LRPPRC: variants seen among roughly 807,000 people sequenced by gnomAD.
LRPPRC encodes the protein leucine rich pentatricopeptide repeat containing, also known as leucine-rich PPR motif-containing protein, mitochondrial.
In LRPPRC, 120 loss-of-function variants were observed where a neutral mutation model predicts 180.3. The observed-to-expected ratio is 0.67, with a 90% CI of 0.57 to 0.77. The LOEUF is 0.77. Among genes scored for constraint, LRPPRC ranks in the 30% least tolerant of loss-of-function variants. The pLI, the probability that LRPPRC is intolerant of heterozygous loss-of-function variation, is 0.00. For synonymous variants in LRPPRC, 723 were observed against 600.0 expected (o/e 1.21, Z -3.00); for missense variants, 2,012 against 1,657.2 (o/e 1.21, Z -3.72).
chr2:43,911,122 C>G (rs956888243), intron 30 of LRPPRC, among the ~76,000 whole-genome samples: 2 of 148,908 alleles, frequency 1.3e-5, no homozygotes, highest in African/African-American at 5.0e-5. Flanking sequence ...TTCCAAGTCA[C>G]TAATTAAGGG....
intron 36 of LRPPRC, 87 bp from the exon 37 acceptor site, chr2:43,889,963 G>T: frequency 1.1e-6 from 1 of 938,904 alleles, no homozygotes; most frequent in Non-Finnish European, 1.7e-6. Context: ...GGGACGGCTG[G>T]ATCCCTTTAT....
intron 26 of LRPPRC, among the ~76,000 whole-genome samples, chr2:43,925,404 G>C (rs1671839712): frequency 6.6e-6 from 1 of 152,146 alleles, no homozygotes; most frequent in South Asian, 2.1e-4. Context: ...AAAATTTGGA[G>C]TCAAGAACAC....
At chr2:43,992,792 C>A (rs1007780272) in intron 1 of LRPPRC, among the ~76,000 whole-genome samples, 2 of 152,026 alleles carry the variant, frequency 1.3e-5, no homozygotes, top group African/African-American at 4.8e-5. Context: ...ACAAGAGGAA[C>A]AGATGAAAGA....
intron 36 of LRPPRC, chr2:43,892,706 C>CACAT (rs2104975824): frequency 6.6e-6 from 1 of 152,032 alleles, no homozygotes; most frequent in African/African-American, 2.4e-5. Context: ...ACTTCGGCAA[C>CACAT]ACATATACTG....
At chr2:43,898,390 T>A (rs1045363558) in intron 34 of LRPPRC, among the ~76,000 whole-genome samples, 4 of 152,224 alleles carry the variant, frequency 2.6e-5, no homozygotes, top group African/African-American at 9.7e-5. Flanking sequence ...TAATACTATT[T>A]ACGATCAGAA....
chr2:43,971,663 A>T (rs1378312382), intron 11 of LRPPRC, among the ~76,000 whole-genome samples: 1 of 151,908 alleles, frequency 6.6e-6, no homozygotes, highest in Non-Finnish European at 1.5e-5. Flanking sequence ...ATCCTCCATC[A>T]CTGCAGTCAC....
chr2:43,960,518 T>C (rs751246658), intron 13 of LRPPRC, 23 bp downstream of exon 13: 4 of 1,238,206 alleles, frequency 3.2e-6, no homozygotes, highest in African/African-American at 3.0e-5. Context: ...CTATCAAGTT[T>C]ACCGCTAATG....
chr2:43,890,422 A>G, intron 36 of LRPPRC: 1 of 457,944 alleles, frequency 2.2e-6, no homozygotes, highest in South Asian at 1.6e-5. Flanking sequence ...ACACACACAA[A>G]AAACCTATAG....
chr2:43,953,510 T>C (rs1443868781), intron 14 of LRPPRC, among the ~76,000 whole-genome samples: 2 of 152,218 alleles, frequency 1.3e-5, no homozygotes, highest in Non-Finnish European at 2.9e-5. Context: ...TTGTTAAACA[T>C]ATTTAAACAT....
chr2:43,982,277 T>C lies in LRPPRC; in HGVS notation c.307A>G (p.Lys103Glu). 1.9e-6 allele frequency: 3 copies of C among 1,577,360 alleles called. No individual in the cohort carries two copies. The highest frequency in any genetic ancestry group is 2.6e-6 in the Non-Finnish European group (3 of 1,164,952). Residue 103 changes from lysine (K) to glutamate (E), a missense_variant, in exon 2 of 38, where the codon AAG becomes GAG. By Grantham distance (56) the Lys-to-Glu change is moderately conservative. Transcript: ENST00000260665. The stretch of plus-strand genomic sequence containing the variant: ...TCATTAAAAACTTTTTGTAGAAGCT[T>C]CTTTGGAATGCGGCCAGTTCTTCGA... Reference protein sequence around the residue: ...SVRRTGRIPKKLLQKVFNDTC... With the variant: ...SVRRTGRIPKELLQKVFNDTC...
At chr2:43,952,945 T>C (rs1006192285) in intron 14 of LRPPRC, among the ~76,000 whole-genome samples, 22 of 152,202 alleles carry the variant, frequency 1.4e-4, no homozygotes, top group African/African-American at 4.6e-4. Context: ...GGTCCAAATA[T>C]CCTAACTTAG....
At chr2:43,897,105 G>C (rs865787224) in intron 34 of LRPPRC, among the ~76,000 whole-genome samples, 10 of 152,280 alleles carry the variant, frequency 6.6e-5, no homozygotes, top group Middle Eastern at 3.4e-3. Context: ...TAAGGTGTCA[G>C]GGAGATAACT....
chr2:43,898,082 A>AC lies in LRPPRC; in HGVS notation c.3825+1136_3825+1137insG, dbSNP rs571689230. Reference sequence around the variant, plus strand: ...CTTTTCCTTAAAATTAAAAAAAAAAAAAAAAACAAAGGAAAAAAAGTAAAC... The same window carrying AC: ...CTTTTCCTTAAAATTAAAAAAAAAAACAAAAAACAAAGGAAAAAAAGTAAAC... On this transcript the variant is annotated intron_variant, in intron 34 of 37. Coordinates refer to ENST00000260665, the MANE Select transcript of LRPPRC (RefSeq NM_133259.4). Among the ~76,000 whole-genome samples the AC allele has an allele frequency of 8.6e-3, 1,306 of 151,110 alleles. 20 individuals are homozygous for AC. Among genetic ancestry groups the AC allele is most frequent in the African/African-American group, 0.03 (1,235 of 41,170 alleles).
chr2:43,903,142 C>A (rs1024146493), intron 31 of LRPPRC: 1 of 152,254 alleles, frequency 6.6e-6, no homozygotes, highest in African/African-American at 2.4e-5. Flanking sequence ...AAAGATAGCA[C>A]AGGACCTTGT....
Position 43,924,897 on chromosome 2 carries a change from C to G in LRPPRC, c.2896+170G>C, listed in dbSNP as rs186272619. On this transcript the variant is annotated intron_variant, in intron 27 of 37. Coordinates refer to ENST00000260665, the MANE Select transcript of LRPPRC (RefSeq NM_133259.4). ...TTATGAAGACATACAGTGTCTAGTG[C>G]TACGATATAACATTCTGTGATAAAA... 2.7e-3 allele frequency among the ~76,000 whole-genome samples: 410 copies of G among 152,288 alleles called. 9 individuals are homozygous for G. Among genetic ancestry groups the G allele is most frequent in the Non-Finnish European group, 8.7e-4 (59 of 68,018 alleles).
At chr2:43,888,856 C>G (rs1024830847) in intron 37 of LRPPRC, among the ~76,000 whole-genome samples, 200 bp from the exon 38 acceptor site, 1 of 150,318 alleles carries the variant, frequency 6.7e-6, no homozygotes, top group African/African-American at 2.4e-5. Context: ...TTAAAGCTAG[C>G]AGCAGGAGGT....
At chr2:43,963,505 G>T in intron 12 of LRPPRC, 83 bp downstream of exon 12, 1 of 905,650 alleles carries the variant, frequency 1.1e-6, no homozygotes, top group Non-Finnish European at 1.9e-6. Flanking sequence ...TCAGTTCAAT[G>T]ACTTTTTTGT....
intron 27 of LRPPRC, among the ~76,000 whole-genome samples, chr2:43,919,904 T>C (rs995918340): frequency 6.6e-6 from 1 of 151,940 alleles, no homozygotes; most frequent in Admixed American, 6.6e-5. Context: ...ACAACATGAA[T>C]ACATTTGTTC....
At chr2:43,899,095 A>T in intron 34 of LRPPRC, 124 bp downstream of exon 34, 1 of 726,944 alleles carries the variant, frequency 1.4e-6, no homozygotes, top group Non-Finnish European at 2.4e-6. Flanking sequence ...CACTGAATGT[A>T]AACAAGCTAG....
Sources: gnomAD v4.1 joint callset for allele counts (sites outside exome capture counted in the v4.1 genomes callset) on GRCh38, gnomAD v4.1.1 for gene constraint, MANE v1.5 for transcripts, NCBI Gene and HGNC (gene_info 2026-07-23, HGNC 2026-07-21) for gene names.